CENPP: variants seen among roughly 807,000 people sequenced by gnomAD.
CENPP encodes the protein centromere protein P.
Under a neutral mutation model 35.6 loss-of-function variants are expected in CENPP, and 24 were observed. The observed-to-expected ratio is 0.67, with a 90% CI of 0.49 to 0.95. The LOEUF is 0.95. Among genes scored for constraint, CENPP ranks in the 40% least tolerant of loss-of-function variants. The pLI, the probability that CENPP is intolerant of heterozygous loss-of-function variation, is 0.00. For missense variants in CENPP, 332 were observed against 345.3 expected, an observed-to-expected ratio of 0.96 and a Z score of 0.31; for synonymous variants, 120 against 125.5, an observed-to-expected ratio of 0.96 and a Z score of 0.29.
chr9:92,458,489 T>C (rs1414184060), intron 5 of CENPP, among the ~76,000 whole-genome samples: 1 of 152,166 alleles, frequency 6.6e-6, no homozygotes, highest in Non-Finnish European at 1.5e-5. Context: ...AGCTGCTCAA[T>C]ATAAGTGCAA....
chr9:92,379,952 T>C, intron 5 of CENPP, 93 bp downstream of exon 5: 1 of 796,052 alleles, frequency 1.3e-6, no homozygotes, highest in South Asian at 1.6e-5. Context: ...CTTAAAAGCT[T>C]TCAAACAGTA....
intron 5 of CENPP, chr9:92,474,976 T>C: frequency 1.4e-6 from 2 of 1,449,762 alleles, no homozygotes; most frequent in Non-Finnish European, 1.8e-6. Context: ...TTCCTGCATA[T>C]ATACATTTCT....
Position 92,593,297 on chromosome 9 carries a change from C to T in CENPP, c.565-18017C>T, listed in dbSNP as rs1288198528. ...AAAGAAAAACAGACTTCTGACAGAC[C>T]ACCGTGGCATCACACACAGGAGATA... On this transcript the variant is annotated intron_variant, in intron 5 of 7. Coordinates refer to ENST00000375587, the MANE Select transcript of CENPP (RefSeq NM_001012267.3). This position sits in a 1 kb window ranked among gnomAD's most constrained non-coding sequence, Gnocchi z 4.1. Among the ~76,000 whole-genome samples the T allele has an allele frequency of 6.6e-6, 1 of 152,194 alleles. No individual in the cohort carries two copies.
intron 3 of CENPP, chr9:92,339,727 C>T (rs1841049302): frequency 6.5e-6 from 1 of 153,570 alleles, no homozygotes; most frequent in African/African-American, 2.4e-5. Flanking sequence ...AAGGAGATAT[C>T]ACATGACCAC....
chr9:92,551,037 G>A (rs572971047), intron 5 of CENPP, among the ~76,000 whole-genome samples: 1 of 152,188 alleles, frequency 6.6e-6, no homozygotes, highest in African/African-American at 2.4e-5. Context: ...CATAAGCCCT[G>A]GAAACAAAGT....
chr9:92,330,000 G>C (rs1487992195), intron 1 of CENPP, among the ~76,000 whole-genome samples: 1 of 152,162 alleles, frequency 6.6e-6, no homozygotes, highest in African/African-American at 2.4e-5. Flanking sequence ...AAATTTTACA[G>C]ACTTTATTAA....
chr9:92,401,974 C>G (rs1843133671), intron 5 of CENPP, among the ~76,000 whole-genome samples: 1 of 152,164 alleles, frequency 6.6e-6, no homozygotes, highest in African/African-American at 2.4e-5. Flanking sequence ...AACTTCCTCC[C>G]TCTACTCTGT....
At chr9:92,418,816 T>G (rs114076088) in intron 5 of CENPP, among the ~76,000 whole-genome samples, 303 of 152,294 alleles carry the variant, frequency 2.0e-3, no homozygotes, top group African/African-American at 7.0e-3. Context: ...CAAATTTTCC[T>G]CATGAAACAG....
At chr9:92,600,804 C>G (rs1468985160) in intron 5 of CENPP, among the ~76,000 whole-genome samples, 1 of 152,192 alleles carries the variant, frequency 6.6e-6, no homozygotes, top group African/African-American at 2.4e-5. Context: ...TCCCTGTGGA[C>G]AAGCAATCCT....
intron 5 of CENPP, chr9:92,496,555 T>G: frequency 6.5e-7 from 1 of 1,542,340 alleles, no homozygotes; most frequent in Non-Finnish European, 8.6e-7. Context: ...AAGTTTAACA[T>G]TTGTTAAAAA....
intron 5 of CENPP, among the ~76,000 whole-genome samples, chr9:92,451,529 A>G (rs77283452): frequency 2.7e-4 from 41 of 152,174 alleles, no homozygotes; most frequent in Non-Finnish European, 4.3e-4. Flanking sequence ...GTCAGGTAGC[A>G]TGATGCCTCC....
chr9:92,386,942 G>A (rs531382608), intron 5 of CENPP, among the ~76,000 whole-genome samples: 2 of 151,836 alleles, frequency 1.3e-5, no homozygotes, highest in South Asian at 4.2e-4. Flanking sequence ...CAGCTACTCG[G>A]GAGGCTGAGG....
chr9:92,367,077 T>C (rs1152759), intron 4 of CENPP, among the ~76,000 whole-genome samples: 63,274 of 152,098 alleles, frequency 0.42, 15,752 homozygotes, highest in East Asian at 0.8. Context: ...AGAAATCATA[T>C]CAGATTCTAA....
intron 5 of CENPP, chr9:92,390,006 C>G: frequency 6.2e-7 from 1 of 1,607,746 alleles, no homozygotes; most frequent in Non-Finnish European, 8.5e-7. Context: ...AAAGTACCAT[C>G]TTCTATATCT....
At chr9:92,540,610 A>C (rs926511763) in intron 5 of CENPP, among the ~76,000 whole-genome samples, 1 of 151,420 alleles carries the variant, frequency 6.6e-6, no homozygotes, top group Admixed American at 6.6e-5. Context: ...GTCTCTACTA[A>C]AAATACAAAA....
chr9:92,597,042 A>G (rs1850801936), intron 5 of CENPP, among the ~76,000 whole-genome samples: 1 of 152,212 alleles, frequency 6.6e-6, no homozygotes, highest in African/African-American at 2.4e-5. Flanking sequence ...TGATTGTGAT[A>G]AAACTTGACC....
At chr9:92,607,922 GCT>G (rs1351952133) in intron 5 of CENPP, among the ~76,000 whole-genome samples, 1 of 152,158 alleles carries the variant, frequency 6.6e-6, no homozygotes, top group African/African-American at 2.4e-5. Flanking sequence ...CACCAGGAGA[GCT>G]CTCAAATGCA....
At chr9:92,393,055 A>C in intron 5 of CENPP, 1 of 1,581,508 alleles carries the variant, frequency 6.3e-7, no homozygotes, top group Non-Finnish European at 8.7e-7. Context: ...AATACGAGTT[A>C]ATACTAATAT....
At chr9:92,569,349 AT>A (rs564073215) in intron 5 of CENPP, among the ~76,000 whole-genome samples, 95 of 152,278 alleles carry the variant, frequency 6.2e-4, no homozygotes, top group African/African-American at 2.1e-3. Flanking sequence ...TCCTTTCCCC[AT>A]TTCTTGTTTT....
Sources: gnomAD v4.1 joint callset for allele counts (sites outside exome capture counted in the v4.1 genomes callset) on GRCh38, gnomAD v4.1.1 for gene constraint, Gnocchi (gnomAD v3.1) non-coding constraint, MANE v1.5 for transcripts, NCBI Gene and HGNC (gene_info 2026-07-23, HGNC 2026-07-21) for gene names.